The following RBCK1 variants were observed in gnomAD, a reference collection of about 807,000 sequenced individuals.
RBCK1 encodes the protein ranBP-type and C3HC4-type zinc finger-containing protein 1.
In RBCK1, 44 loss-of-function variants were observed where a neutral mutation model predicts 71.1. That is an observed-to-expected ratio of 0.62 (90% CI 0.49 to 0.80). The LOEUF (loss-of-function observed/expected upper bound fraction) is 0.80, where lower values mean the gene tolerates loss of function less well. Ranked by LOEUF, RBCK1 falls within the 30% of genes least tolerant of loss-of-function variation. RBCK1 has a pLI of 0.00. For synonymous variants in RBCK1, 306 were observed against 279.7 expected, an observed-to-expected ratio of 1.09 and a Z score of -0.94; for missense variants, 569 against 685.0, an observed-to-expected ratio of 0.83 and a Z score of 1.89.
chr20:421,117 T>TC, intron 7 of RBCK1, 86 bp downstream of exon 7: 1 of 1,416,348 alleles, frequency 7.1e-7, no homozygotes, highest in Non-Finnish European at 9.3e-7. Flanking sequence ...GGCCCTGTGC[T>TC]CTGATACCTC....
intron 8 of RBCK1, among the ~76,000 whole-genome samples, chr20:424,184 C>T (rs541337153): frequency 7.5e-4 from 114 of 152,290 alleles, no homozygotes; most frequent in African/African-American, 2.3e-3. Flanking sequence ...TTGCCGCTGG[C>T]GCTCTTCATG....
chr20:425,867 C>T (rs1221110033), intron 8 of RBCK1, among the ~76,000 whole-genome samples: 13 of 152,082 alleles, frequency 8.5e-5, no homozygotes, highest in African/African-American at 2.4e-4. Context: ...CCTCGTGATG[C>T]GCCCGCCTCG....
rs1168659638 is a variant in RBCK1, at chr20:431,338, T to G, written c.*908T>G. 6.6e-6 allele frequency among the ~76,000 whole-genome samples: 1 copy of G among 152,130 alleles called. No individual in the cohort carries two copies. The highest frequency in any genetic ancestry group is 1.5e-5 in the Non-Finnish European group (1 of 68,016). On this transcript the variant is annotated 3_prime_UTR_variant, in exon 12 of 12. Coordinates refer to ENST00000356286, the MANE Select transcript of RBCK1 (RefSeq NM_031229.4). The surrounding 1 kb of genome is among the most constrained non-coding windows in gnomAD (Gnocchi z 4.8). ...TCAAGAAGGAACGAAGCTGCTGCAG[T>G]TGAGGGGTGGGGTTGTCCATCCTAT...
intron 8 of RBCK1, among the ~76,000 whole-genome samples, chr20:425,876 C>A (rs112530501): frequency 6.6e-6 from 1 of 152,094 alleles, no homozygotes; most frequent in Non-Finnish European, 1.5e-5. Flanking sequence ...GCGCCCGCCT[C>A]GGCCTCCCAG....
Position 428,543 on chromosome 20 carries a change from G to A in RBCK1, c.1262G>A (p.Arg421Gln), listed in dbSNP as rs1247057100. ...GAGTATCAGGAGGACCTGGCCCTGC[G>A]GGCTCAGAACGATGTGGCTGCCCGG... Reference protein sequence around the residue: ...CKEYQEDLALRAQNDVAARQT... With the variant: ...CKEYQEDLALQAQNDVAARQT... The change falls in exon 10 of 12, where the codon CGG (arginine) becomes CAG (glutamine). Residue 421 changes from arginine (R) to glutamine (Q), a missense_variant. Around this residue, in one of 2 missense-constraint regions of RBCK1, gnomAD observed 211 missense variants for 309.4 expected, o/e 0.68. Transcript: ENST00000356286. This position sits in a 1 kb window ranked among gnomAD's most constrained non-coding sequence, Gnocchi z 5.7. The A allele has an allele frequency of 5.0e-6, 8 of 1,612,674 alleles. No homozygotes were observed. Among genetic ancestry groups the A allele is most frequent in the Non-Finnish European group, 6.8e-6 (8 of 1,179,518 alleles).
intron 2 of RBCK1, among the ~76,000 whole-genome samples, chr20:411,614 G>A (rs908706578): frequency 5.3e-5 from 8 of 152,128 alleles, no homozygotes; most frequent in Admixed American, 1.3e-4. Context: ...TGATCCGCCC[G>A]CCTATGCCTC....
intron 1 of RBCK1, 61 bp downstream of exon 1, chr20:408,840 G>A: frequency 1.9e-6 from 3 of 1,577,580 alleles, no homozygotes; most frequent in Admixed American, 3.7e-5. Flanking sequence ...CGCAGGACCT[G>A]GCCTTGCCCC....
intron 6 of RBCK1, chr20:420,187 CG>C: frequency 1.0e-6 from 1 of 985,228 alleles, no homozygotes. Flanking sequence ...TCTTCCCTCT[CG>C]GGCTGGGCCC....
chr20:410,690 A>C (rs936783867), intron 2 of RBCK1: 45 of 635,584 alleles, frequency 7.1e-5, no homozygotes, highest in Middle Eastern at 3.3e-4. Context: ...AGGAGACTTA[A>C]ACTCAATGCT....
At chr20:414,633 T>G (rs2015889231) in intron 2 of RBCK1, among the ~76,000 whole-genome samples, 2 of 152,228 alleles carry the variant, frequency 1.3e-5, no homozygotes, top group South Asian at 4.1e-4. Flanking sequence ...CTAACATAAT[T>G]AAGGCCTTTA....
chr20:418,227 G>T (rs900559603), intron 4 of RBCK1, among the ~76,000 whole-genome samples: 1 of 152,188 alleles, frequency 6.6e-6, no homozygotes, highest in Non-Finnish European at 1.5e-5. Context: ...CATAAATTGG[G>T]TATGACAGTG....
At chr20:410,771 G>T (rs375409706) in intron 2 of RBCK1, 1 of 473,502 alleles carries the variant, frequency 2.1e-6, no homozygotes, top group Non-Finnish European at 3.8e-6. Context: ...GTTATTTTTT[G>T]ACTGCTTTTT....
intron 4 of RBCK1, among the ~76,000 whole-genome samples, chr20:418,576 G>T (rs571159196): frequency 2.0e-5 from 3 of 152,088 alleles, no homozygotes; most frequent in African/African-American, 7.2e-5. Flanking sequence ...CACCGTGTTA[G>T]CCAGGATGGT....
In RBCK1 at chr20:417,395, TTGTGTGTGTGTG is replaced by T. The variant is rs67707964; in HGVS notation, c.168-114_168-103del. On this transcript the variant is annotated intron_variant, in intron 2 of 11. Transcript: ENST00000356286. This position sits in a 1 kb window ranked among gnomAD's most constrained non-coding sequence, Gnocchi z 4.7. ...GGTGGGGCCTACCCCAGACTGGGGTTTGTGTGTGTGTGTGTGTGTGTGTGTGTGCATGGCCAT... is the reference window on the plus strand; with the variant it reads ...GGTGGGGCCTACCCCAGACTGGGGTTTGTGTGTGTGTGTGTGCATGGCCAT... 1.6e-5 allele frequency: 12 copies of T among 764,522 alleles called. No individual in the cohort carries two copies. The highest frequency in any genetic ancestry group is 5.2e-5 in the African/African-American group (3 of 57,166). 47.4% of individuals were successfully genotyped at this position (764,522 alleles called of 1,614,324 possible).
Position 417,398 on chromosome 20 carries a change from T to TGTGTGTGTGTGA in RBCK1, c.168-117_168-116insAGTGTGTGTGTG, listed in dbSNP as rs1318932237. ...GGGGCCTACCCCAGACTGGGGTTTG[T>TGTGTGTGTGTGA]GTGTGTGTGTGTGTGTGTGTGTGTG... On this transcript the variant is annotated intron_variant, in intron 2 of 11. Coordinates refer to ENST00000356286, the MANE Select transcript of RBCK1 (RefSeq NM_031229.4). This position sits in a 1 kb window ranked among gnomAD's most constrained non-coding sequence, Gnocchi z 4.7. 5 of 499,578 alleles carry TGTGTGTGTGTGA rather than the reference T, an allele frequency of 1.0e-5. No individual in the cohort carries two copies. The African/African-American group carries it at 2.0e-4, about 20-fold the overall frequency. The allele number at this position is 499,578 out of a possible 1,614,324, so 30.9% of individuals were successfully genotyped here. A position where few individuals can be genotyped will look rare whatever the true frequency, so the allele number is the denominator to read the frequency against.
chr20:409,770 G>A (rs1600270902), intron 1 of RBCK1, 111 bp from the exon 2 acceptor site: 1 of 1,489,440 alleles, frequency 6.7e-7, no homozygotes, highest in East Asian at 2.3e-5. Flanking sequence ...AGTTCACCAG[G>A]AAGACAGAGA....
chr20:419,409 C>A lies in RBCK1; in HGVS notation c.523C>A (p.Pro175Thr). The A allele has an allele frequency of 1.2e-6, 2 of 1,610,686 alleles. No homozygotes were observed. Among genetic ancestry groups the A allele is most frequent in the Admixed American group, 1.7e-5 (1 of 59,542 alleles). The change falls in exon 5 of 12, where the codon CCC becomes ACC. Residue 175 changes from proline (P) to threonine (T), a missense_variant. This residue lies in a region of RBCK1 where 358 missense variants were observed against 375.6 expected (regional missense o/e 0.95). Transcript: ENST00000356286. ...CCCTCTGGAGCCAGGCCCCCCAAAG[C>A]CCGGGGTCCCCCAGGAACCCGGACG... Reference protein sequence around the residue: ...RGPLEPGPPKPGVPQEPGRGQ... With the variant: ...RGPLEPGPPKTGVPQEPGRGQ...
At chr20:424,422 C>T (rs1449854115) in intron 8 of RBCK1, among the ~76,000 whole-genome samples, 1 of 152,220 alleles carries the variant, frequency 6.6e-6, no homozygotes, top group Non-Finnish European at 1.5e-5. Context: ...CACAGACCTC[C>T]TCTTTATTTC....
chr20:426,815 CCTTTTTTTT>C (rs2016742863), intron 8 of RBCK1, among the ~76,000 whole-genome samples: 1 of 130,820 alleles, frequency 7.6e-6, no homozygotes, highest in Admixed American at 7.5e-5. Context: ...CTTTTCTTTT[CCTTTTTTTT>C]TTTTTTTTTT....
Sources: gnomAD v4.1 joint callset for allele counts (sites outside exome capture counted in the v4.1 genomes callset) on GRCh38, gnomAD v4.1.1 for gene constraint, gnomAD v4.1.1 regional missense constraint, Gnocchi (gnomAD v3.1) non-coding constraint, MANE v1.5 for transcripts, NCBI Gene and HGNC (gene_info 2026-07-23, HGNC 2026-07-21) for gene names.